DNM1: variants seen among roughly 807,000 people sequenced by gnomAD.
DNM1 encodes dynamin 1, also known as dynamin-1.
A neutral mutation model predicts 104.6 loss-of-function variants in DNM1; 29 were observed. The ratio of observed to expected loss-of-function variants is 0.28; its 90% CI spans 0.21 to 0.38. The LOEUF is 0.38. Among genes scored for constraint, DNM1 ranks in the 10% least tolerant of loss-of-function variants. The pLI, the probability that DNM1 is intolerant of heterozygous loss-of-function variation, is 1.00. For missense variants in DNM1, 640 were observed against 1,189.4 expected (o/e 0.54, Z 6.79); for synonymous variants, 445 against 475.8 (o/e 0.94, Z 0.84).
At chr9:128,252,196 T>G (rs527266820) in intron 21 of DNM1, 42 of 244,226 alleles carry the variant, frequency 1.7e-4, no homozygotes, top group African/African-American at 8.8e-4. Flanking sequence ...CTGTGTTAAC[T>G]GCAGATGCAG....
intron 1 of DNM1, among the ~76,000 whole-genome samples, chr9:128,209,262 C>T (rs530256266): frequency 4.6e-5 from 7 of 152,294 alleles, no homozygotes; most frequent in African/African-American, 7.2e-5. Flanking sequence ...CACACCCCAC[C>T]GTGGCCCAGA....
In DNM1 at chr9:128,248,577, T is replaced by C. The variant is rs138961089; in HGVS notation, c.1906-6T>C. Reference sequence around the variant, plus strand: ...CCACCTGATGCCCTTGTGTTCTCCATGGCAGGCCAGCGAGACCGAGGAGAA... The same window carrying C: ...CCACCTGATGCCCTTGTGTTCTCCACGGCAGGCCAGCGAGACCGAGGAGAA... On this transcript the variant is annotated splice_polypyrimidine_tract_variant and splice_region_variant and intron_variant, in intron 18 of 21. Coordinates refer to ENST00000372923, the MANE Select transcript of DNM1 (RefSeq NM_004408.4). The surrounding 1 kb of genome is among the most constrained non-coding windows in gnomAD (Gnocchi z 5.6). The C allele has an allele frequency of 1.7e-4, 282 of 1,612,696 alleles. 3 individuals are homozygous for C. The East Asian group carries it at 6.0e-3, about 34-fold the overall frequency.
intron 1 of DNM1, among the ~76,000 whole-genome samples, chr9:128,207,810 C>T (rs1431223423): frequency 1.3e-5 from 2 of 152,150 alleles, no homozygotes. Flanking sequence ...TCTATCCCTG[C>T]CTGGGCGTAG....
chr9:128,249,190 C>T (rs1829354247), intron 19 of DNM1, among the ~76,000 whole-genome samples: 1 of 111,204 alleles, frequency 9.0e-6, no homozygotes, highest in Admixed American at 9.5e-5. Flanking sequence ...GAGACTCCAT[C>T]TCAAAAAAAA....
At chr9:128,231,194 CTTTTTTTTTTTTTT>C (rs72047067) in intron 10 of DNM1, among the ~76,000 whole-genome samples, 4 of 68,512 alleles carry the variant, frequency 5.8e-5, no homozygotes, top group Non-Finnish European at 1.0e-4. Context: ...ATACTTTTGC[CTTTTTTTTTTTTTT>C]TTTTTTTTTT....
intron 10 of DNM1, among the ~76,000 whole-genome samples, chr9:128,233,355 G>A (rs938020798): frequency 6.6e-6 from 1 of 152,128 alleles, no homozygotes; most frequent in African/African-American, 2.4e-5. Flanking sequence ...CAGGCCCCGC[G>A]GGGTACTGCT....
chr9:128,242,471 G>T, intron 15 of DNM1, 126 bp downstream of exon 15: 1 of 596,836 alleles, frequency 1.7e-6, no homozygotes, highest in Non-Finnish European at 3.0e-6. Flanking sequence ...TCAAAGATCC[G>T]TGGGCAGGCT....
In DNM1 at chr9:128,220,840, A is replaced by G. The variant is rs985273630; in HGVS notation, c.849+499A>G. Among the ~76,000 whole-genome samples, 4 of 144,340 alleles carry G rather than the reference A, an allele frequency of 2.8e-5. No homozygotes were observed. Among genetic ancestry groups the G allele is most frequent in the Non-Finnish European group, 6.1e-5 (4 of 65,578 alleles). 94.7% of individuals were successfully genotyped at this position (144,340 alleles called of 152,430 possible). ...AGTTTTGTCACTCCCCCTCTGAGAC[A>G]CTCTCTCTGGCTCTCTGAGCCTCTA... On this transcript the variant is annotated intron_variant, in intron 6 of 21. Transcript: ENST00000372923. This position sits in a 1 kb window ranked among gnomAD's most constrained non-coding sequence, Gnocchi z 5.2.
In DNM1 at chr9:128,218,565, G is replaced by T. The variant is rs1167550931; in HGVS notation, c.236-17G>T. The T allele has an allele frequency of 6.2e-7, 1 of 1,601,908 alleles. No homozygotes were observed. Among genetic ancestry groups the T allele is most frequent in the Admixed American group, 1.7e-5 (1 of 59,270 alleles). ...CCTTGATGCCTACTGCCCTTCCCCTGCCCGCTTCTGGAGCAGAATATGCCG... is the reference window on the plus strand; with the variant it reads ...CCTTGATGCCTACTGCCCTTCCCCTTCCCGCTTCTGGAGCAGAATATGCCG... On this transcript the variant is annotated splice_polypyrimidine_tract_variant and intron_variant, in intron 2 of 21. Coordinates refer to ENST00000372923, the MANE Select transcript of DNM1 (RefSeq NM_004408.4). This position sits in a 1 kb window ranked among gnomAD's most constrained non-coding sequence, Gnocchi z 4.8.
At chr9:128,217,242 G>A (rs1262163529) in intron 1 of DNM1, among the ~76,000 whole-genome samples, 1 of 152,160 alleles carries the variant, frequency 6.6e-6, no homozygotes, top group Non-Finnish European at 1.5e-5. Flanking sequence ...AAATATATCC[G>A]AGACCAGGGT....
rs1230146403 is a variant in DNM1, at chr9:128,219,043, G to C, written c.386-6G>C. 6.2e-7 allele frequency: 1 copy of C among 1,613,760 alleles called. No individual in the cohort carries two copies. The highest frequency in any genetic ancestry group is 1.7e-5 in the Admixed American group (1 of 60,024). On this transcript the variant is annotated splice_polypyrimidine_tract_variant and splice_region_variant and intron_variant, in intron 3 of 21. Coordinates refer to ENST00000372923, the MANE Select transcript of DNM1 (RefSeq NM_004408.4). ...CTTGAGCCCGCCCTCTCGCCGCCCT[G>C]TCCAGTGCTGAACCTGACCCTGGTG...
At chr9:128,250,487 G>T (rs1341756279) in intron 20 of DNM1, 131 bp downstream of exon 20, 1 of 1,140,454 alleles carries the variant, frequency 8.8e-7, no homozygotes. Flanking sequence ...GGAGCTTAGA[G>T]AGGGCGGGGC....
At chr9:128,252,257 A>C in intron 21 of DNM1, 1 of 276,404 alleles carries the variant, frequency 3.6e-6, no homozygotes, top group South Asian at 3.4e-5. Flanking sequence ...TCTTCAGGGT[A>C]TTTGGCACCC....
At position 128,218,511 on chromosome 9, in the gene DNM1, A is replaced by T; in HGVS notation, c.236-71A>T. ...TCTAGGGGGTTCTATTACCGGTGGG[A>T]GATGAAAACCCCCAGGTGGGGTTCC... On this transcript the variant is annotated intron_variant, in intron 2 of 21. Coordinates refer to ENST00000372923, the MANE Select transcript of DNM1 (RefSeq NM_004408.4). This position sits in a 1 kb window ranked among gnomAD's most constrained non-coding sequence, Gnocchi z 4.8. The T allele has an allele frequency of 6.5e-7, 1 of 1,539,004 alleles. No homozygotes were observed. Among genetic ancestry groups the T allele is most frequent in the South Asian group, 1.2e-5 (1 of 83,690 alleles).
At chr9:128,226,223 G>T (rs1282296102) in intron 10 of DNM1, 1 of 1,606,218 alleles carries the variant, frequency 6.2e-7, no homozygotes, top group South Asian at 1.1e-5. Flanking sequence ...ATTCCTTGTG[G>T]CCACAGCCTC....
intron 1 of DNM1, among the ~76,000 whole-genome samples, chr9:128,215,503 A>G (rs952640386): frequency 1.9e-4 from 29 of 152,340 alleles, no homozygotes; most frequent in Admixed American, 1.6e-3. Context: ...TGGCTCTGGG[A>G]GGGGTTGACC....
intron 11 of DNM1, 126 bp from the exon 12 acceptor site, chr9:128,239,319 G>T: frequency 1.4e-6 from 1 of 724,888 alleles, no homozygotes; most frequent in Non-Finnish European, 2.5e-6. Flanking sequence ...CTGATGGTAG[G>T]GACTATATTT....
chr9:128,240,232 G>A lies in DNM1; in HGVS notation c.1557+236G>A, dbSNP rs1039452841. On this transcript the variant is annotated intron_variant, in intron 14 of 21. Coordinates refer to ENST00000372923, the MANE Select transcript of DNM1 (RefSeq NM_004408.4). The surrounding 1 kb of genome is among the most constrained non-coding windows in gnomAD (Gnocchi z 5.1). The stretch of plus-strand genomic sequence containing the variant: ...GGCAGAGCTAGACCGTGTGGGGCTG[G>A]GTGGGTGAGAAGGCTGGGCCTGGCA... Among the ~76,000 whole-genome samples the A allele has an allele frequency of 6.6e-6, 1 of 152,194 alleles. No homozygotes were observed. The highest frequency in any genetic ancestry group is 1.5e-5 in the Non-Finnish European group (1 of 68,042).
At chr9:128,226,523 G>A (rs1835352376) in intron 10 of DNM1, among the ~76,000 whole-genome samples, 1 of 152,234 alleles carries the variant, frequency 6.6e-6, no homozygotes, top group South Asian at 2.1e-4. Context: ...TAAGACGTGG[G>A]TAGTGTTGTT....
Sources: gnomAD v4.1 joint callset for allele counts (sites outside exome capture counted in the v4.1 genomes callset) on GRCh38, gnomAD v4.1.1 for gene constraint, Gnocchi (gnomAD v3.1) non-coding constraint, MANE v1.5 for transcripts, NCBI Gene and HGNC (gene_info 2026-07-23, HGNC 2026-07-21) for gene names.